Variants in GRIA1 observed in about 807,000 individuals in gnomAD.
The protein encoded by GRIA1 is glutamate ionotropic receptor AMPA type subunit 1.
In GRIA1, 31 loss-of-function variants were observed where a neutral mutation model predicts 99.2. The observed-to-expected ratio is 0.31, with a 90% CI of 0.23 to 0.42. The LOEUF (loss-of-function observed/expected upper bound fraction) is 0.42, where lower values mean the gene tolerates loss of function less well. GRIA1 is among the 10% of genes least tolerant of loss of function. GRIA1 has a pLI of 1.00. For missense variants in GRIA1, 782 were observed against 1,157.5 expected, an observed-to-expected ratio of 0.68 and a Z score of 4.71; for synonymous variants, 438 against 432.4, an observed-to-expected ratio of 1.01 and a Z score of -0.16.
intron 2 of GRIA1, among the ~76,000 whole-genome samples, chr5:153,550,424 T>A (rs1760033390): frequency 6.6e-6 from 1 of 151,774 alleles, no homozygotes; most frequent in Admixed American, 6.6e-5. Context: ...GCAGAAGCAC[T>A]CAGATAAGGA....
At chr5:153,508,107 A>G (rs762266221) in intron 2 of GRIA1, among the ~76,000 whole-genome samples, 2 of 152,238 alleles carry the variant, frequency 1.3e-5, no homozygotes, top group Non-Finnish European at 2.9e-5. Context: ...TGATACAAAC[A>G]TAGCCAAATA....
intron 2 of GRIA1, among the ~76,000 whole-genome samples, chr5:153,595,512 C>T (rs141706371): frequency 5.1e-4 from 78 of 152,146 alleles, no homozygotes; most frequent in African/African-American, 1.9e-3. Flanking sequence ...TCTTTGAGGG[C>T]AGAGTGTCTA....
chr5:153,720,109 C>G (rs1311130743), intron 11 of GRIA1, among the ~76,000 whole-genome samples: 1 of 152,164 alleles, frequency 6.6e-6, no homozygotes, highest in Non-Finnish European at 1.5e-5. Flanking sequence ...TCTTAAAATA[C>G]ATATAGTTTC....
chr5:153,763,979 A>G (rs1561840483), intron 11 of GRIA1, among the ~76,000 whole-genome samples: 2 of 152,236 alleles, frequency 1.3e-5, no homozygotes, highest in African/African-American at 2.4e-5. Context: ...CCAGGAGAGC[A>G]ATAATAAGGC....
At chr5:153,725,145 C>G (rs1250710531) in intron 11 of GRIA1, among the ~76,000 whole-genome samples, 1 of 151,964 alleles carries the variant, frequency 6.6e-6, no homozygotes, top group Non-Finnish European at 1.5e-5. Flanking sequence ...TCCAGCCAAA[C>G]TAAGCTTCAT....
chr5:153,490,719 AT>A lies in GRIA1; in HGVS notation c.-168del, dbSNP rs1420396971. On this transcript the variant is annotated 5_prime_UTR_variant, in exon 1 of 16. Coordinates refer to ENST00000285900, the MANE Select transcript of GRIA1 (RefSeq NM_000827.4). The stretch of plus-strand genomic sequence containing the variant: ...TTAACGCTGCAGTTTAAGTGTTCGG[AT>A]TCCAAGGGAAACAGACAAACCTCAC... The A allele has an allele frequency of 2.9e-6, 2 of 696,660 alleles. No homozygotes were observed. 43.2% of individuals were successfully genotyped at this position (696,660 alleles called of 1,614,324 possible).
rs755737996 is a variant in GRIA1, at chr5:153,490,863, T to G, written c.-26T>G. 1.7e-5 allele frequency: 27 copies of G among 1,577,700 alleles called. No homozygotes were observed. Among genetic ancestry groups the G allele is most frequent in the Non-Finnish European group, 2.0e-5 (23 of 1,146,966 alleles). On this transcript the variant is annotated 5_prime_UTR_variant, in exon 1 of 16. Transcript: ENST00000285900. ...CCAAATCTATGATTGGACCTGGGCT[T>G]CTTTTTCGCCAATGCAAAAAGGAAT... is the stretch of plus-strand genomic sequence containing the variant.
chr5:153,530,631 C>T (rs565620505), intron 2 of GRIA1, among the ~76,000 whole-genome samples: 4 of 152,340 alleles, frequency 2.6e-5, no homozygotes, highest in Non-Finnish European at 5.9e-5. Flanking sequence ...CCAGGTGCCA[C>T]ATGGAATAAA....
intron 2 of GRIA1, among the ~76,000 whole-genome samples, chr5:153,556,372 T>C (rs7713717): frequency 0.47 from 70,876 of 151,952 alleles, 18,266 homozygotes; most frequent in Non-Finnish European, 0.59. Context: ...GTCTCCTAGC[T>C]CCCAGTCCAG....
chr5:153,752,055 T>C (rs923742913), intron 11 of GRIA1, among the ~76,000 whole-genome samples: 1 of 151,862 alleles, frequency 6.6e-6, no homozygotes, highest in Non-Finnish European at 1.5e-5. Flanking sequence ...ATCATCATCA[T>C]TGTTAATCAA....
intron 2 of GRIA1, among the ~76,000 whole-genome samples, chr5:153,600,041 A>G (rs1442095854): frequency 6.6e-6 from 1 of 152,108 alleles, no homozygotes; most frequent in Non-Finnish European, 1.5e-5. Context: ...GTTGCCAAAT[A>G]GCGCCGGTCG....
At position 153,675,005 on chromosome 5, in the gene GRIA1, G is replaced by A. The variant is rs577475561; in HGVS notation, c.861+344G>A. Among the ~76,000 whole-genome samples the A allele has an allele frequency of 2.6e-5, 4 of 152,166 alleles. No individual in the cohort carries two copies. In the East Asian group the frequency reaches 7.7e-4, roughly 29 times the overall value. On this transcript the variant is annotated intron_variant, in intron 6 of 15. Coordinates refer to ENST00000285900, the MANE Select transcript of GRIA1 (RefSeq NM_000827.4). Reference sequence around the variant, plus strand: ...ACGGCTGCTGCCTAATAGTACAAGAGGGCTGCTTAAACTACAGCCATTGCC... The same window carrying A: ...ACGGCTGCTGCCTAATAGTACAAGAAGGCTGCTTAAACTACAGCCATTGCC...
chr5:153,549,582 C>G (rs1482556861), intron 2 of GRIA1, among the ~76,000 whole-genome samples: 1 of 152,000 alleles, frequency 6.6e-6, no homozygotes, highest in Non-Finnish European at 1.5e-5. Flanking sequence ...CTAAAGAGCT[C>G]AAGGCAACAA....
At chr5:153,798,291 G>C (rs1483248246) in intron 14 of GRIA1, among the ~76,000 whole-genome samples, 3 of 152,140 alleles carry the variant, frequency 2.0e-5, no homozygotes, top group Non-Finnish European at 4.4e-5. Context: ...GTAGTCAACT[G>C]CTCAGGGAAA....
At chr5:153,554,507 T>C (rs1404618760) in intron 2 of GRIA1, among the ~76,000 whole-genome samples, 1 of 152,126 alleles carries the variant, frequency 6.6e-6, no homozygotes, top group Non-Finnish European at 1.5e-5. Context: ...CTTTGTTTTG[T>C]TTTTGAGATG....
intron 2 of GRIA1, among the ~76,000 whole-genome samples, chr5:153,565,388 T>A (rs1761525538): frequency 6.6e-6 from 1 of 152,190 alleles, no homozygotes; most frequent in Non-Finnish European, 1.5e-5. Context: ...ATTGTCACCT[T>A]TCCCAAAAAA....
At chr5:153,664,430 C>G (rs1398102572) in intron 5 of GRIA1, among the ~76,000 whole-genome samples, 2 of 152,042 alleles carry the variant, frequency 1.3e-5, no homozygotes, top group African/African-American at 4.8e-5. Flanking sequence ...AGGGCAGTAA[C>G]CCTCTGTGGC....
At chr5:153,572,133 A>G (rs188351636) in intron 2 of GRIA1, among the ~76,000 whole-genome samples, 81 of 152,332 alleles carry the variant, frequency 5.3e-4, no homozygotes, top group Non-Finnish European at 8.1e-4. Context: ...GGTGGCTCCT[A>G]TAAATCCTTT....
chr5:153,749,352 G>T (rs1762364005), intron 11 of GRIA1, among the ~76,000 whole-genome samples: 3 of 152,084 alleles, frequency 2.0e-5, no homozygotes, highest in Admixed American at 2.0e-4. Context: ...TTGCTATAAA[G>T]GCTTACCCCT....
Sources: allele counts gnomAD v4.1 joint callset (sites outside exome capture counted in the v4.1 genomes callset), GRCh38; gene constraint gnomAD v4.1.1; transcripts MANE v1.5; gene names NCBI Gene and HGNC (gene_info 2026-07-23, HGNC 2026-07-21).